The following SP100 variants were observed in gnomAD, a reference collection of about 807,000 sequenced individuals.
SP100 encodes the protein SP100 nuclear body protein.
Under a neutral mutation model 130.0 loss-of-function variants are expected in SP100, and 84 were observed. The observed-to-expected ratio is 0.65, with a 90% CI of 0.54 to 0.77. SP100 has a LOEUF of 0.77. Among genes scored for constraint, SP100 ranks in the 30% least tolerant of loss-of-function variants. The pLI is 0.00. For synonymous variants in SP100, 331 were observed against 351.7 expected (o/e 0.94, Z 0.66); for missense variants, 978 against 1,052.2 (o/e 0.93, Z 0.97).
Position 230,544,926 on chromosome 2 carries a change from C to A in SP100, c.*1980C>A, listed in dbSNP as rs975413572. Among the ~76,000 whole-genome samples the A allele has an allele frequency of 3.3e-4, 50 of 152,182 alleles. No homozygotes were observed. The highest frequency in any genetic ancestry group is 5.4e-4 in the Non-Finnish European group (37 of 67,976). On this transcript the variant is annotated 3_prime_UTR_variant, in exon 29 of 29. Transcript: ENST00000340126. The stretch of plus-strand genomic sequence containing the variant: ...GTCAAAATGCCTCTTTCTAAAAAGT[C>A]AAAAAATAACAGCTAGTAAGGTTGT...
intron 27 of SP100, 96 bp from the exon 28 acceptor site, chr2:230,541,795 AC>A (rs1692190744): frequency 1.5e-6 from 2 of 1,332,396 alleles, no homozygotes; most frequent in Non-Finnish European, 2.1e-6. Context: ...TAGGATTTTG[AC>A]CTATGGATTG....
chr2:230,422,592 C>T (rs1266718256), intron 2 of SP100, among the ~76,000 whole-genome samples: 1 of 152,154 alleles, frequency 6.6e-6, no homozygotes, highest in African/African-American at 2.4e-5. Context: ...AATTAGCTAC[C>T]ATATATGCCC....
intron 3 of SP100, among the ~76,000 whole-genome samples, chr2:230,443,888 T>C (rs1386313165): frequency 2.6e-5 from 4 of 152,228 alleles, no homozygotes; most frequent in Non-Finnish European, 2.9e-5. Context: ...TAAAAACATA[T>C]GGATCAGGCT....
intron 17 of SP100, 93 bp from the exon 18 acceptor site, chr2:230,494,323 C>G (rs1041523534): frequency 9.6e-7 from 1 of 1,040,004 alleles, no homozygotes; most frequent in African/African-American, 1.6e-5. Context: ...AGAAGGAAAA[C>G]AAAATTCAAT....
intron 18 of SP100, among the ~76,000 whole-genome samples, chr2:230,497,467 AGGAGGGGAGG>A (rs1337909137): frequency 2.0e-5 from 2 of 97,600 alleles, no homozygotes; most frequent in African/African-American, 4.2e-5. Context: ...GATGAAGGGA[AGGAGGGGAGG>A]GGAGGGGAGG....
intron 15 of SP100, among the ~76,000 whole-genome samples, chr2:230,472,787 T>G (rs1324930825): frequency 6.6e-6 from 1 of 152,130 alleles, no homozygotes; most frequent in Non-Finnish European, 1.5e-5. Flanking sequence ...GCAGTAAGTT[T>G]TCAGAATAAG....
intron 24 of SP100, among the ~76,000 whole-genome samples, chr2:230,511,508 T>C (rs953659602): frequency 5.3e-5 from 8 of 151,640 alleles, no homozygotes; most frequent in Non-Finnish European, 5.9e-5. Flanking sequence ...TGTCAGAAAA[T>C]AAAAGCATTT....
At chr2:230,539,140 C>A in intron 24 of SP100, 127 bp from the exon 25 acceptor site, 1 of 607,800 alleles carries the variant, frequency 1.6e-6, no homozygotes, top group Non-Finnish European at 3.0e-6. Flanking sequence ...CTGAGATCTC[C>A]ACTCAGCAAT....
chr2:230,477,944 C>CAAAAAA (rs1481252977), intron 17 of SP100, among the ~76,000 whole-genome samples: 5 of 134,522 alleles, frequency 3.7e-5, no homozygotes, highest in Non-Finnish European at 6.2e-5. Flanking sequence ...CAAAACAAAA[C>CAAAAAA]AAACAAAAAA....
Position 230,510,991 on chromosome 2 carries a change from G to A in SP100, c.2053-134G>A, listed in dbSNP as rs1690548313. On this transcript the variant is annotated intron_variant, in intron 23 of 28. Transcript: ENST00000340126. ...TTTTATTCTTCAGTTAGATGTACAG[G>A]TCCATAAAAGCAGACATGAAACAAA... 1.8e-5 allele frequency: 13 copies of A among 709,378 alleles called. No individual in the cohort carries two copies. In the South Asian group the frequency reaches 1.9e-4, roughly 10 times the overall value. 43.9% of individuals were successfully genotyped at this position (709,378 alleles called of 1,614,324 possible).
intron 24 of SP100, among the ~76,000 whole-genome samples, chr2:230,527,630 C>A (rs960411925): frequency 2.0e-5 from 3 of 152,226 alleles, no homozygotes; most frequent in Admixed American, 6.5e-5. Flanking sequence ...CATAGACTGG[C>A]AAATTGGATA....
At chr2:230,493,453 G>A (rs896823124) in intron 17 of SP100, among the ~76,000 whole-genome samples, 2 of 152,146 alleles carry the variant, frequency 1.3e-5, no homozygotes, top group Non-Finnish European at 2.9e-5. Context: ...CTGAGCTCAG[G>A]TGATCCACCT....
chr2:230,501,857 A>G (rs1272799769), intron 19 of SP100, among the ~76,000 whole-genome samples: 3 of 152,024 alleles, frequency 2.0e-5, no homozygotes, highest in African/African-American at 7.2e-5. Flanking sequence ...CAACACATAG[A>G]TACATGCTTC....
chr2:230,544,547 G>A lies in SP100; in HGVS notation c.*1601G>A, dbSNP rs1015032682. 1.3e-5 allele frequency among the ~76,000 whole-genome samples: 2 copies of A among 152,066 alleles called. No homozygotes were observed. Among genetic ancestry groups the A allele is most frequent in the African/African-American group, 4.8e-5 (2 of 41,398 alleles). ...TTGTTGCCCAGGCCAGAGTGCAATG[G>A]CGTGATCTTGGCTCACCACAACCTC... is the stretch of plus-strand genomic sequence containing the variant. On this transcript the variant is annotated 3_prime_UTR_variant, in exon 29 of 29. Coordinates refer to ENST00000340126, the MANE Select transcript of SP100 (RefSeq NM_001080391.2).
chr2:230,475,796 C>G (rs1467712886), intron 17 of SP100, among the ~76,000 whole-genome samples: 1 of 152,128 alleles, frequency 6.6e-6, no homozygotes, highest in African/African-American at 2.4e-5. Flanking sequence ...AATAGACAGT[C>G]CATTTCCCAT....
chr2:230,506,585 C>T (rs1690122387), intron 22 of SP100, 140 bp downstream of exon 22: 6 of 749,672 alleles, frequency 8.0e-6, no homozygotes, highest in Non-Finnish European at 1.1e-5. Context: ...TTATTACTAA[C>T]GTTCTCACCT....
chr2:230,478,036 C>CT (rs1229770318), intron 17 of SP100, among the ~76,000 whole-genome samples: 3 of 151,554 alleles, frequency 2.0e-5, no homozygotes, highest in Non-Finnish European at 2.9e-5. Context: ...TGTTCTTCCA[C>CT]TAAAAATTTT....
chr2:230,540,606 A>G (rs1288778845), intron 25 of SP100, among the ~76,000 whole-genome samples: 2 of 152,196 alleles, frequency 1.3e-5, no homozygotes, highest in African/African-American at 2.4e-5. Context: ...AGTGGCTCAG[A>G]TGGAAACCCT....
At chr2:230,423,932 G>C (rs1188861633) in intron 2 of SP100, among the ~76,000 whole-genome samples, 1 of 152,172 alleles carries the variant, frequency 6.6e-6, no homozygotes, top group African/African-American at 2.4e-5. Context: ...TTGTGGCCTA[G>C]TGCATAATCA....
Sources: allele counts gnomAD v4.1 joint callset (sites outside exome capture counted in the v4.1 genomes callset), GRCh38; gene constraint gnomAD v4.1.1; transcripts MANE v1.5; gene names NCBI Gene and HGNC (gene_info 2026-07-23, HGNC 2026-07-21).